SLC4A10: variants seen among roughly 807,000 people sequenced by gnomAD.
SLC4A10 encodes solute carrier family 4 member 10.
SLC4A10 carries 42 observed loss-of-function variants against 137.7 expected under a neutral mutation model. The observed-to-expected ratio is 0.30, with a 90% CI of 0.24 to 0.39. SLC4A10 has a LOEUF of 0.39. SLC4A10 is among the 10% of genes least tolerant of loss of function. SLC4A10 has a pLI of 1.00. For synonymous variants in SLC4A10, 474 were observed against 464.1 expected (o/e 1.02, Z -0.27); for missense variants, 925 against 1,355.0 (o/e 0.68, Z 4.98).
intron 1 of SLC4A10, among the ~76,000 whole-genome samples, chr2:161,676,652 C>A (rs1365145386): frequency 6.6e-6 from 1 of 152,150 alleles, no homozygotes; most frequent in Non-Finnish European, 1.5e-5. Context: ...ATGGAATGGG[C>A]TGTCCCTTTA....
intron 2 of SLC4A10, among the ~76,000 whole-genome samples, chr2:161,803,668 TTCTC>T (rs1473123634): frequency 6.6e-6 from 1 of 152,116 alleles, no homozygotes; most frequent in Non-Finnish European, 1.5e-5. Context: ...GCATTAACAG[TTCTC>T]TCATGTCTTT....
At chr2:161,671,230 A>G (rs1421336629) in intron 1 of SLC4A10, among the ~76,000 whole-genome samples, 1 of 152,108 alleles carries the variant, frequency 6.6e-6, no homozygotes, top group Non-Finnish European at 1.5e-5. Flanking sequence ...CTCTTCCACC[A>G]TATGAGGACA....
intron 10 of SLC4A10, 139 bp from the exon 11 acceptor site, chr2:161,894,540 A>G (rs1283719040): frequency 6.0e-5 from 21 of 349,770 alleles, no homozygotes; most frequent in Non-Finnish European, 4.3e-5. Flanking sequence ...TTTACAACAT[A>G]AACTTCTTTA....
chr2:161,663,213 C>T lies in SLC4A10; in HGVS notation c.48+38647C>T, dbSNP rs568826985. On this transcript the variant is annotated intron_variant, in intron 1 of 26. Coordinates refer to ENST00000446997, the MANE Select transcript of SLC4A10 (RefSeq NM_001178015.2). Reference sequence around the variant, plus strand: ...TAAAACAATTTTTAAAATACTGGAACCAAATTAGAGGAAAACAGCCATTTA... The same window carrying T: ...TAAAACAATTTTTAAAATACTGGAATCAAATTAGAGGAAAACAGCCATTTA... 3.3e-5 allele frequency among the ~76,000 whole-genome samples: 5 copies of T among 151,992 alleles called. No individual in the cohort carries two copies. In the East Asian group the frequency reaches 9.7e-4, roughly 29 times the overall value.
intron 15 of SLC4A10, among the ~76,000 whole-genome samples, chr2:161,923,337 G>T (rs1688480147): frequency 6.6e-6 from 1 of 152,138 alleles, no homozygotes; most frequent in South Asian, 2.1e-4. Flanking sequence ...AACATGTAGA[G>T]AAGTGCAGAT....
chr2:161,984,686 T>G lies in SLC4A10; in HGVS notation c.*1534T>G, dbSNP rs1253614521. ...CTCACAATTCTTTAAGGAGCCCCCC[T>G]TTTTATGGAACATGAGCCTAAAAAT... is the stretch of plus-strand genomic sequence containing the variant. On this transcript the variant is annotated 3_prime_UTR_variant, in exon 27 of 27. Coordinates refer to ENST00000446997, the MANE Select transcript of SLC4A10 (RefSeq NM_001178015.2). The G allele has an allele frequency of 6.6e-6, 1 of 152,066 alleles. No homozygotes were observed. Among genetic ancestry groups the G allele is most frequent in the East Asian group, 1.9e-4 (1 of 5,202 alleles). The allele number at this position is 152,066 out of a possible 1,614,324, so 9.4% of individuals were successfully genotyped here. A position where few individuals can be genotyped will look rare whatever the true frequency, so the allele number is the denominator to read the frequency against.
At chr2:161,843,546 A>G (rs193263076) in intron 4 of SLC4A10, among the ~76,000 whole-genome samples, 43 of 152,220 alleles carry the variant, frequency 2.8e-4, no homozygotes, top group Middle Eastern at 6.8e-3. Flanking sequence ...ATGAATTTTA[A>G]CAGAGACACA....
At chr2:161,912,322 T>A (rs1179118713) in intron 15 of SLC4A10, among the ~76,000 whole-genome samples, 2 of 152,154 alleles carry the variant, frequency 1.3e-5, no homozygotes, top group Non-Finnish European at 2.9e-5. Flanking sequence ...CAGTGGTTTC[T>A]TGGTTTCTTC....
At chr2:161,896,163 A>C (rs1236267136) in intron 11 of SLC4A10, among the ~76,000 whole-genome samples, 1 of 152,082 alleles carries the variant, frequency 6.6e-6, no homozygotes, top group African/African-American at 2.4e-5. Flanking sequence ...CCATTTATTA[A>C]ATAGGGAATC....
intron 1 of SLC4A10, among the ~76,000 whole-genome samples, chr2:161,697,135 C>T (rs1008391807): frequency 1.3e-4 from 19 of 151,926 alleles, no homozygotes; most frequent in Non-Finnish European, 2.5e-4. Context: ...TATCCTTCGC[C>T]CACTTTTTGA....
chr2:161,694,949 C>A (rs2042341336), intron 1 of SLC4A10, among the ~76,000 whole-genome samples: 1 of 151,666 alleles, frequency 6.6e-6, no homozygotes, highest in South Asian at 2.1e-4. Context: ...GTTATTATGG[C>A]CTTAAGCTAA....
intron 6 of SLC4A10, among the ~76,000 whole-genome samples, chr2:161,869,153 T>C (rs2060954315): frequency 6.6e-6 from 1 of 151,706 alleles, no homozygotes; most frequent in Non-Finnish European, 1.5e-5. Context: ...GCAAATTCTT[T>C]GTTATTCTAT....
At chr2:161,868,821 T>A (rs1460832442) in intron 6 of SLC4A10, among the ~76,000 whole-genome samples, 3 of 151,704 alleles carry the variant, frequency 2.0e-5, no homozygotes, top group Admixed American at 6.6e-5. Flanking sequence ...ATCAGTTTTT[T>A]AATAACTTAC....
At chr2:161,875,157 G>A (rs1212547427) in intron 8 of SLC4A10, among the ~76,000 whole-genome samples, 1 of 152,032 alleles carries the variant, frequency 6.6e-6, no homozygotes, top group African/African-American at 2.4e-5. Flanking sequence ...AGTCTGAGAG[G>A]GCAGAAAAGT....
At chr2:161,806,862 C>A (rs1458112917) in intron 3 of SLC4A10, among the ~76,000 whole-genome samples, 1 of 152,166 alleles carries the variant, frequency 6.6e-6, no homozygotes, top group African/African-American at 2.4e-5. Flanking sequence ...TTTCAGGTAT[C>A]TTTTCAGCAG....
rs182316690 is a variant in SLC4A10 at position 161,810,686 on chromosome 2, C to T, written c.277+6091C>T. On this transcript the variant is annotated intron_variant, in intron 3 of 26. Coordinates refer to ENST00000446997, the MANE Select transcript of SLC4A10 (RefSeq NM_001178015.2). ...ATCATATCTAGTGAATTGTGTATGTCGAACCAACCTTGCATTCCAGGAATG... is the reference window on the plus strand; with the variant it reads ...ATCATATCTAGTGAATTGTGTATGTTGAACCAACCTTGCATTCCAGGAATG... 7.9e-5 allele frequency among the ~76,000 whole-genome samples: 12 copies of T among 151,912 alleles called. No homozygotes were observed. In the East Asian group the frequency reaches 1.2e-3, roughly 15 times the overall value.
rs190201042 is a variant in SLC4A10, at chr2:161,642,728, C to T, written c.48+18162C>T. 5.5e-4 allele frequency among the ~76,000 whole-genome samples: 84 copies of T among 152,064 alleles called. 1 individual carries two copies. In the Middle Eastern group the frequency reaches 0.014, roughly 25 times the overall value. ...TCATTTAGGGAGGTGAAATTCTAAT[C>T]ATAGGCATAAGAAAAATATTGCACT... On this transcript the variant is annotated intron_variant, in intron 1 of 26. Coordinates refer to ENST00000446997, the MANE Select transcript of SLC4A10 (RefSeq NM_001178015.2).
chr2:161,839,772 T>A lies in SLC4A10; in HGVS notation c.278-17T>A. The A allele has an allele frequency of 1.2e-6, 2 of 1,613,250 alleles. No homozygotes were observed. The highest frequency in any genetic ancestry group is 1.7e-6 in the Non-Finnish European group (2 of 1,179,430). ...GGTAATACATGTTCATGGTAATACA[T>A]GTCTCTGATTTTTTAGACACCCCAT... On this transcript the variant is annotated splice_polypyrimidine_tract_variant and intron_variant, in intron 3 of 26. Transcript: ENST00000446997.
intron 1 of SLC4A10, among the ~76,000 whole-genome samples, chr2:161,636,685 G>A (rs1029988394): frequency 3.3e-5 from 5 of 151,142 alleles, no homozygotes; most frequent in Admixed American, 2.6e-4. Context: ...CAGCCACCAC[G>A]CCTGACCTTT....
Sources: allele counts gnomAD v4.1 joint callset (sites outside exome capture counted in the v4.1 genomes callset), GRCh38; gene constraint gnomAD v4.1.1; transcripts MANE v1.5; gene names NCBI Gene and HGNC (gene_info 2026-07-23, HGNC 2026-07-21).